The following NOC4L variants were observed in gnomAD, a reference collection of about 807,000 sequenced individuals.
The protein encoded by NOC4L is nucleolar complex associated 4 homolog.
NOC4L carries 40 observed loss-of-function variants against 62.8 expected under a neutral mutation model. That is an observed-to-expected ratio of 0.64 (90% confidence interval 0.49 to 0.83). The LOEUF (loss-of-function observed/expected upper bound fraction) is 0.83, where lower values mean the gene tolerates loss of function less well. NOC4L is among the 40% of genes least tolerant of loss of function. The pLI is 0.00. For synonymous variants in NOC4L, 433 were observed against 299.8 expected, an observed-to-expected ratio of 1.44 and a Z score of -4.59; for missense variants, 927 against 701.9, an observed-to-expected ratio of 1.32 and a Z score of -3.62.
At position 132,151,989 on chromosome 12, in the gene NOC4L, C is replaced by A; in HGVS notation, c.1318-95C>A. On this transcript the variant is annotated intron_variant, in intron 13 of 14. Transcript: ENST00000330579. ...CCTTCTCACGTGGCTCCGTCCCGAC[C>A]CCGCCCACTCTGGTTGGGAGCACAG... 3 of 1,334,812 alleles carry A rather than the reference C, an allele frequency of 2.2e-6. 1 individual carries two copies. The highest frequency in any genetic ancestry group is 2.6e-5 in the South Asian group (2 of 77,498). The allele number at this position is 1,334,812 out of a possible 1,614,324, so 82.7% of individuals were successfully genotyped here.
Position 132,148,091 on chromosome 12 carries a change from G to A in NOC4L, c.723G>A (p.Lys241=), listed in dbSNP as rs1181137386. ...VKRAELWDTW[K]VAHLKEHRRV... is the part of the protein sequence containing the mutation. ...CTGCAGAGCTGTGGGACACCTGGAAGGTTGCTCACCTGAAGGTGAGTTGCT... is the reference window on the plus strand; with the variant it reads ...CTGCAGAGCTGTGGGACACCTGGAAAGTTGCTCACCTGAAGGTGAGTTGCT... Residue 241 remains lysine, a synonymous_variant, in exon 7 of 15, where the codon AAG becomes AAA. Transcript: ENST00000330579. 4.3e-6 allele frequency: 7 copies of A among 1,613,382 alleles called. No homozygotes were observed. In the African/African-American group the frequency reaches 8.0e-5, roughly 18 times the overall value.
intron 10 of NOC4L, 64 bp from the exon 11 acceptor site, chr12:132,151,194 T>A: frequency 6.8e-7 from 1 of 1,478,220 alleles, no homozygotes; most frequent in Non-Finnish European, 9.4e-7. Flanking sequence ...AGTGAGACCC[T>A]GGCCTTGGAG....
chr12:132,150,837 G>C lies in NOC4L; in HGVS notation c.902-144G>C, dbSNP rs900659991. 1.1e-5 allele frequency: 7 copies of C among 664,206 alleles called. No individual in the cohort carries two copies. The Admixed American group carries it at 1.2e-4, about 12-fold the overall frequency. The allele number at this position is 664,206 out of a possible 1,614,324, so 41.1% of individuals were successfully genotyped here. A position where few individuals can be genotyped will look rare whatever the true frequency, so the allele number is the denominator to read the frequency against. ...CCCCCCACTCCCCTGCCCTGCATGTGGTCTCCAGCTTTGTGTCCGTGGGGG... is the reference window on the plus strand; with the variant it reads ...CCCCCCACTCCCCTGCCCTGCATGTCGTCTCCAGCTTTGTGTCCGTGGGGG... On this transcript the variant is annotated intron_variant, in intron 9 of 14. Transcript: ENST00000330579.
At chr12:132,148,452 C>T (rs566169110) in intron 7 of NOC4L, among the ~76,000 whole-genome samples, 157 bp from the exon 8 acceptor site, 4 of 152,312 alleles carry the variant, frequency 2.6e-5, no homozygotes, top group African/African-American at 7.2e-5. Flanking sequence ...GCAAGGCGTA[C>T]CTGACTTGAA....
chr12:132,144,568 A>AGGCCAACGCCGTGTTCGACATCCT lies in NOC4L; in HGVS notation c.85_108dup (p.Asn29_Ala36dup). 6.6e-7 allele frequency: 1 copy of AGGCCAACGCCGTGTTCGACATCCT among 1,519,968 alleles called. No homozygotes were observed. The highest frequency in any genetic ancestry group is 8.8e-7 in the Non-Finnish European group (1 of 1,141,556). The allele number at this position is 1,519,968 out of a possible 1,614,324, so 94.2% of individuals were successfully genotyped here. ...GAGGCGGTGCTGGCGAGCCGCAGTG[A>AGGCCAACGCCGTGTTCGACATCCT]GGCCAACGCCGTGTTCGACATCCTG... On this transcript the variant is annotated inframe_insertion, in exon 1 of 15. Coordinates refer to ENST00000330579, the MANE Select transcript of NOC4L (RefSeq NM_024078.3).
At position 132,151,724 on chromosome 12, in the gene NOC4L, C is replaced by G. The variant is rs763302259; in HGVS notation, c.1235-14C>G. On this transcript the variant is annotated splice_polypyrimidine_tract_variant and intron_variant, in intron 12 of 14. Transcript: ENST00000330579. ...GCTGTGGACGGCAGACAAGGGCCCA[C>G]GTCTCATTCCTAGAGTTGGACGCCG... 6.2e-7 allele frequency: 1 copy of G among 1,612,340 alleles called. No homozygotes were observed. The highest frequency in any genetic ancestry group is 1.7e-5 in the Admixed American group (1 of 60,016).
rs376120912 is a variant in NOC4L, at chr12:132,152,206, C to T, written c.1431+9C>T. 2.5e-6 allele frequency: 4 copies of T among 1,610,522 alleles called. No homozygotes were observed. The highest frequency in any genetic ancestry group is 3.4e-6 in the Non-Finnish European group (4 of 1,179,144). On this transcript the variant is annotated intron_variant, in intron 14 of 14. Coordinates refer to ENST00000330579, the MANE Select transcript of NOC4L (RefSeq NM_024078.3). Reference sequence around the variant, plus strand: ...AGCTCACGGCCTACGAGGTGCGGAACTGGGCCAGGGTGCGAGGGTCTGGGC... The same window carrying T: ...AGCTCACGGCCTACGAGGTGCGGAATTGGGCCAGGGTGCGAGGGTCTGGGC...
At chr12:132,146,811 C>T (rs1398087375) in intron 3 of NOC4L, among the ~76,000 whole-genome samples, 4 of 152,164 alleles carry the variant, frequency 2.6e-5, no homozygotes, top group African/African-American at 7.2e-5. Flanking sequence ...TCCTGTCATC[C>T]CGCACGAGGC....
In NOC4L at chr12:132,151,727, C is replaced by T. The variant is rs1001086236; in HGVS notation, c.1235-11C>T. On this transcript the variant is annotated splice_polypyrimidine_tract_variant and intron_variant, in intron 12 of 14. Coordinates refer to ENST00000330579, the MANE Select transcript of NOC4L (RefSeq NM_024078.3). Reference sequence around the variant, plus strand: ...GTGGACGGCAGACAAGGGCCCACGTCTCATTCCTAGAGTTGGACGCCGACC... The same window carrying T: ...GTGGACGGCAGACAAGGGCCCACGTTTCATTCCTAGAGTTGGACGCCGACC... 6.2e-6 allele frequency: 10 copies of T among 1,612,428 alleles called. No homozygotes were observed. The highest frequency in any genetic ancestry group is 8.5e-6 in the Non-Finnish European group (10 of 1,179,808).
intron 14 of NOC4L, 23 bp downstream of exon 14, chr12:132,152,220 G>C: frequency 5.6e-6 from 9 of 1,607,138 alleles, no homozygotes; most frequent in Non-Finnish European, 7.6e-6. Flanking sequence ...GCCAGGGTGC[G>C]AGGGTCTGGG....
In NOC4L at chr12:132,148,802, A is replaced by C. The variant is rs1279646252; in HGVS notation, c.808A>C (p.Lys270Gln). The part of the protein sequence containing the change: ...LKHKLPLSLY[K>Q]KVLLIVHDAI... The stretch of plus-strand genomic sequence containing the variant: ...CGCCCAGCTGCCCCTCAGCCTCTAC[A>C]AGAAGGTGCTGCTGATTGTGCATGA... Residue 270 changes from lysine to glutamine, a missense_variant, in exon 9 of 15, where the codon AAG becomes CAG. Physicochemically the swap from Lys to Gln is moderately conservative, Grantham distance 53 (BLOSUM62 1). Transcript: ENST00000330579. 2.6e-6 allele frequency: 4 copies of C among 1,558,480 alleles called. No individual in the cohort carries two copies. Among genetic ancestry groups the C allele is most frequent in the Admixed American group, 3.7e-5 (2 of 54,654 alleles).
At chr12:132,145,997 C>T (rs538514584) in intron 3 of NOC4L, among the ~76,000 whole-genome samples, 1 of 152,192 alleles carries the variant, frequency 6.6e-6, no homozygotes, top group African/African-American at 2.4e-5. Context: ...GCATTATGAG[C>T]TTTCTTAAAA....
intron 3 of NOC4L, among the ~76,000 whole-genome samples, chr12:132,146,041 C>A (rs1056267792): frequency 6.6e-6 from 1 of 152,192 alleles, no homozygotes; most frequent in African/African-American, 2.4e-5. Context: ...CACAGTTTAC[C>A]GTTTAAAGCT....
chr12:132,145,467 T>C (rs1458676413), intron 2 of NOC4L, 92 bp from the exon 3 acceptor site: 5 of 800,514 alleles, frequency 6.2e-6, no homozygotes, highest in South Asian at 1.6e-5. Context: ...TAGAAGACAA[T>C]GGGAGGGTGG....
rs772408845 is a variant in NOC4L, at chr12:132,147,391, G to C, written c.453+3G>C. ...TGTTCCCCCGAGAGCTCTTCAAGGT[G>C]AGGGCCTTGCTGGGGACTCCCAGAG... is the stretch of plus-strand genomic sequence containing the variant. On this transcript the variant is annotated splice_donor_region_variant and intron_variant, in intron 4 of 14. Coordinates refer to ENST00000330579, the MANE Select transcript of NOC4L (RefSeq NM_024078.3). The C allele has an allele frequency of 8.9e-6, 14 of 1,580,288 alleles. No homozygotes were observed. In the South Asian group the frequency reaches 1.5e-4, roughly 17 times the overall value.
intron 1 of NOC4L, 105 bp downstream of exon 1, chr12:132,144,710 G>A (rs1593425061): frequency 1.4e-6 from 2 of 1,450,586 alleles, no homozygotes; most frequent in East Asian, 2.5e-5. Flanking sequence ...GGCGTTGGGG[G>A]GTCAGGGTGG....
In NOC4L at chr12:132,151,638, G is replaced by A. The variant is rs200091849; in HGVS notation, c.1228G>A (p.Gly410Ser). Reference protein sequence around the residue: ...ACRVLVHRPHGPELDADPYDP... With the variant: ...ACRVLVHRPHSPELDADPYDP... ...CCGGGTCCTCGTGCACCGTCCACAC[G>A]GCCCTGGTGAGTTGCGGGGCCCTCG... The change falls in exon 12 of 15, where the codon GGC (glycine) becomes AGC (serine). Residue 410 changes from glycine (G) to serine (S), a missense_variant. Coordinates refer to ENST00000330579, the MANE Select transcript of NOC4L (RefSeq NM_024078.3). 545 of 1,611,674 alleles carry A rather than the reference G, an allele frequency of 3.4e-4. 4 individuals are homozygous for A. The South Asian group carries it at 4.8e-3, about 14-fold the overall frequency.
chr12:132,150,928 G>A (rs552942819), intron 9 of NOC4L, 53 bp from the exon 10 acceptor site: 5 of 1,340,052 alleles, frequency 3.7e-6, no homozygotes, highest in African/African-American at 2.9e-5. Flanking sequence ...TGGGCAGGGG[G>A]TAGGGTGGGA....
intron 11 of NOC4L, 29 bp downstream of exon 11, chr12:132,151,397 T>C (rs1239327920): frequency 6.2e-7 from 1 of 1,604,906 alleles, no homozygotes; most frequent in African/African-American, 1.3e-5. Flanking sequence ...GGCTCTGCCC[T>C]GCTCTGTGCG....
Sources: gnomAD v4.1 joint callset for allele counts (sites outside exome capture counted in the v4.1 genomes callset) on GRCh38, gnomAD v4.1.1 for gene constraint, MANE v1.5 for transcripts, NCBI Gene and HGNC (gene_info 2026-07-23, HGNC 2026-07-21) for gene names.